Variants in VRK2 observed in about 807,000 individuals in gnomAD.
VRK2 encodes VRK serine/threonine kinase 2.
A neutral mutation model predicts 57.6 loss-of-function variants in VRK2; 60 were observed. The ratio of observed to expected loss-of-function variants is 1.04; its 90% CI spans 0.85 to 1.29. The LOEUF is 1.29. Among genes scored for constraint, VRK2 ranks in the 50% most tolerant of loss-of-function variants. The probability of loss-of-function intolerance (pLI) is 0.00; values close to 1 mark genes in which losing one functional copy is unlikely to be tolerated. For missense variants in VRK2, 705 were observed against 588.1 expected, an observed-to-expected ratio of 1.20 and a Z score of -2.06; for synonymous variants, 231 against 199.2, an observed-to-expected ratio of 1.16 and a Z score of -1.35.
At chr2:58,151,362 G>C (rs1048888672) in intron 12 of VRK2, among the ~76,000 whole-genome samples, 3 of 151,590 alleles carry the variant, frequency 2.0e-5, no homozygotes, top group Non-Finnish European at 4.4e-5. Flanking sequence ...ACTCTATCTT[G>C]AGTTCTACTT....
intron 1 of VRK2, among the ~76,000 whole-genome samples, chr2:58,017,489 A>C (rs965487571): frequency 6.6e-6 from 1 of 152,150 alleles, no homozygotes; most frequent in African/African-American, 2.4e-5. Flanking sequence ...CAGATTTTGT[A>C]GGGGCAATTT....
At chr2:57,917,258 A>G (rs1670187520) in intron 1 of VRK2, among the ~76,000 whole-genome samples, 1 of 151,910 alleles carries the variant, frequency 6.6e-6, no homozygotes, top group Non-Finnish European at 1.5e-5. Flanking sequence ...CACTAGACCT[A>G]CTCACTCTCT....
intron 12 of VRK2, chr2:58,147,047 A>G: frequency 7.6e-6 from 3 of 394,602 alleles, no homozygotes; most frequent in South Asian, 6.4e-5. Flanking sequence ...CCAACATTTT[A>G]TATGATTTAT....
chr2:58,065,934 G>A (rs1668545614), intron 2 of VRK2, among the ~76,000 whole-genome samples: 1 of 151,908 alleles, frequency 6.6e-6, no homozygotes, highest in Admixed American at 6.6e-5. Context: ...AGTATGTTGT[G>A]TGTTGTGTGT....
chr2:58,029,093 C>A (rs1337491496), intron 2 of VRK2, among the ~76,000 whole-genome samples: 3 of 151,334 alleles, frequency 2.0e-5, no homozygotes, highest in Non-Finnish European at 4.4e-5. Context: ...GGTCTAACTG[C>A]AGTTCAGTTA....
chr2:58,072,426 G>A (rs754719369), intron 2 of VRK2, among the ~76,000 whole-genome samples: 3 of 151,746 alleles, frequency 2.0e-5, no homozygotes, highest in Admixed American at 1.3e-4. Context: ...TTTTTTTATC[G>A]AGTTGAGAAA....
chr2:58,021,005 G>A (rs1673738119), intron 1 of VRK2, among the ~76,000 whole-genome samples: 1 of 152,246 alleles, frequency 6.6e-6, no homozygotes, highest in East Asian at 1.9e-4. Context: ...AAGAAACAAA[G>A]TATGTTAAAA....
At chr2:58,046,594 A>G (rs1572829836), upstream of VRK2, 9 of 985,532 alleles carry the variant, frequency 9.1e-6, no homozygotes, top group Non-Finnish European at 1.1e-5. Flanking sequence ...CACAGCTCCC[A>G]TTCCCCATGT....
intron 1 of VRK2, among the ~76,000 whole-genome samples, chr2:58,007,217 CCTCTCTCTCT>C (rs34855177): frequency 7.1e-6 from 1 of 141,508 alleles, no homozygotes; most frequent in African/African-American, 2.6e-5. Context: ...TCTCTCTCTC[CCTCTCTCTCT>C]CTCTCTCTCT....
chr2:57,995,624 T>G (rs1672899970), intron 1 of VRK2, among the ~76,000 whole-genome samples: 1 of 152,200 alleles, frequency 6.6e-6, no homozygotes, highest in Non-Finnish European at 1.5e-5. Context: ...TATAAGTGCT[T>G]TTTCTCAAGG....
At chr2:57,934,772 T>TC (rs1363503903) in intron 1 of VRK2, among the ~76,000 whole-genome samples, 1 of 152,168 alleles carries the variant, frequency 6.6e-6, no homozygotes, top group Non-Finnish European at 1.5e-5. Flanking sequence ...TTCTTTTTTT[T>TC]CTTTTTTCTC....
chr2:58,128,814 T>C (rs1678750064), intron 8 of VRK2, among the ~76,000 whole-genome samples: 1 of 152,130 alleles, frequency 6.6e-6, no homozygotes, highest in African/African-American at 2.4e-5. Context: ...TGAGATGAAA[T>C]AATAAAAAGC....
At chr2:58,071,819 AT>A (rs1669400042) in intron 2 of VRK2, among the ~76,000 whole-genome samples, 1 of 152,058 alleles carries the variant, frequency 6.6e-6, no homozygotes. Context: ...TATCCACAAC[AT>A]AACTTGTGTT....
intron 1 of VRK2, among the ~76,000 whole-genome samples, chr2:57,946,014 A>T: frequency 6.6e-6 from 1 of 152,176 alleles, no homozygotes; most frequent in East Asian, 1.9e-4. Context: ...AGGATTTGGT[A>T]TTAACAAAGA....
intron 7 of VRK2, among the ~76,000 whole-genome samples, chr2:58,095,747 TTTGTC>T (rs999196583): frequency 1.4e-4 from 21 of 152,258 alleles, no homozygotes; most frequent in African/African-American, 5.1e-4. Flanking sequence ...TTGTATTTAA[TTTGTC>T]TTGTCTAATT....
chr2:58,060,328 A>G (rs1677135581), intron 2 of VRK2, among the ~76,000 whole-genome samples: 1 of 151,962 alleles, frequency 6.6e-6, no homozygotes, highest in African/African-American at 2.4e-5. Flanking sequence ...AGTTTAATGT[A>G]GATTGACTAT....
intron 1 of VRK2, among the ~76,000 whole-genome samples, chr2:57,979,948 C>T (rs1672371310): frequency 6.6e-6 from 1 of 151,948 alleles, no homozygotes; most frequent in Non-Finnish European, 1.5e-5. Context: ...TTAATCTAGC[C>T]AAGAGTCTAT....
chr2:57,942,866 A>G (rs1190316786), intron 1 of VRK2, among the ~76,000 whole-genome samples: 1 of 152,214 alleles, frequency 6.6e-6, no homozygotes, highest in Non-Finnish European at 1.5e-5. Flanking sequence ...GCTCCTGCAT[A>G]TATCTCTTGT....
intron 2 of VRK2, among the ~76,000 whole-genome samples, chr2:58,031,625 C>T (rs1674112559): frequency 6.6e-6 from 1 of 152,096 alleles, no homozygotes; most frequent in Non-Finnish European, 1.5e-5. Context: ...AATTAATTTA[C>T]AATCCAAATG....
Sources: allele counts gnomAD v4.1 joint callset (sites outside exome capture counted in the v4.1 genomes callset), GRCh38; gene constraint gnomAD v4.1.1; transcripts MANE v1.5; gene names NCBI Gene and HGNC (gene_info 2026-07-23, HGNC 2026-07-21).